SELENOO: variants seen among roughly 807,000 people sequenced by gnomAD.
SELENOO encodes selenoprotein O.
In SELENOO, 74 loss-of-function variants were observed where a neutral mutation model predicts 58.7. That is an observed-to-expected ratio of 1.26 (90% CI 1.04 to 1.53). The LOEUF is 1.53. Among genes scored for constraint, SELENOO ranks in the 40% most tolerant of loss-of-function variants. SELENOO has a pLI of 0.00. For synonymous variants in SELENOO, 543 were observed against 453.2 expected, an observed-to-expected ratio of 1.20 and a Z score of -2.52; for missense variants, 1,149 against 970.0, an observed-to-expected ratio of 1.18 and a Z score of -2.45.
At chr22:50,210,540 C>A in intron 4 of SELENOO, 91 bp from the exon 5 acceptor site, 2 of 1,575,532 alleles carry the variant, frequency 1.3e-6, no homozygotes, top group Non-Finnish European at 1.7e-6. Flanking sequence ...CCACTTGGGA[C>A]CTTCCCCTGG....
chr22:50,210,892 G>A lies in SELENOO; in HGVS notation c.1332G>A (p.Leu444=), dbSNP rs751400461. Residue 444 remains leucine, a synonymous_variant, in exon 5 of 9, where the codon CTG becomes CTA. Coordinates refer to ENST00000380903, the MANE Select transcript of SELENOO (RefSeq NM_031454.2). ...EEDGALVSKL[L]ETMHLTGADF... ...ACGGGGCGCTGGTGTCCAAGCTCCT[G>A]GAGACCATGCATCTGACCGGTGAGT... The A allele has an allele frequency of 5.6e-6, 9 of 1,614,114 alleles. No homozygotes were observed. The highest frequency in any genetic ancestry group is 2.2e-5 in the South Asian group (2 of 91,080).
At position 50,217,614 on chromosome 22, in the gene SELENOO, C is replaced by G. The variant is rs115016508; in HGVS notation, c.*245C>G. Reference sequence around the variant, plus strand: ...CTCCTAAATAAACCAGCAACTCCCTCGAGTCTGTCTCTGTGGTCATTGTTC... The same window carrying G: ...CTCCTAAATAAACCAGCAACTCCCTGGAGTCTGTCTCTGTGGTCATTGTTC... On this transcript the variant is annotated 3_prime_UTR_variant, in exon 9 of 9. Transcript: ENST00000380903. The G allele has an allele frequency of 2.8e-6, 3 of 1,070,396 alleles. No individual in the cohort carries two copies. Among genetic ancestry groups the G allele is most frequent in the East Asian group, 2.6e-5 (1 of 38,192 alleles). The allele number at this position is 1,070,396 out of a possible 1,614,324, so 66.3% of individuals were successfully genotyped here.
In SELENOO at chr22:50,210,793, C is replaced by T. The variant is rs751772744; in HGVS notation, c.1233C>T (p.Asp411=). Residue 411 remains aspartate, a synonymous_variant, in exon 5 of 9, where the codon GAC becomes GAT. Transcript: ENST00000380903. ...LGEAILAEEF[D]AEFQRHYLQK... is the part of the protein sequence containing the mutation. The stretch of plus-strand genomic sequence containing the variant: ...AGGCCATCCTGGCCGAGGAGTTTGA[C>T]GCCGAGTTCCAAAGGCACTACCTGC... 29 of 1,613,820 alleles carry T rather than the reference C, an allele frequency of 1.8e-5. No homozygotes were observed. Among genetic ancestry groups the T allele is most frequent in the Middle Eastern group, 1.6e-4 (1 of 6,084 alleles).
In SELENOO at chr22:50,201,027, G is replaced by A. The variant is rs1048850170; in HGVS notation, c.-10G>A. 3 of 1,256,666 alleles carry A rather than the reference G, an allele frequency of 2.4e-6. No individual in the cohort carries two copies. The highest frequency in any genetic ancestry group is 8.2e-5 in the Admixed American group (2 of 24,264). 77.8% of individuals were successfully genotyped at this position (1,256,666 alleles called of 1,614,324 possible). ...GGGCAGGCTGGCTTCCGGCGGGAGCGGGGCCGCGGATGGCCGTATACAGGG... is the reference window on the plus strand; with the variant it reads ...GGGCAGGCTGGCTTCCGGCGGGAGCAGGGCCGCGGATGGCCGTATACAGGG... On this transcript the variant is annotated 5_prime_UTR_variant, in exon 1 of 9. Transcript: ENST00000380903.
chr22:50,216,648 C>G (rs1438829488), intron 6 of SELENOO, 43 bp from the exon 7 acceptor site: 1 of 1,520,294 alleles, frequency 6.6e-7, no homozygotes, highest in Non-Finnish European at 8.8e-7. Context: ...AGGGCAGGGA[C>G]ACGGTCAGGG....
Position 50,216,638 on chromosome 22 carries a change from A to G in SELENOO, c.1503-53A>G, listed in dbSNP as rs531186350. On this transcript the variant is annotated intron_variant, in intron 6 of 8. Transcript: ENST00000380903. ...TGGGGCAGGCGGAGCAGCTGCCTGCAGGGCAGGGACACGGTCAGGGGCTAC... is the reference window on the plus strand; with the variant it reads ...TGGGGCAGGCGGAGCAGCTGCCTGCGGGGCAGGGACACGGTCAGGGGCTAC... The G allele has an allele frequency of 3.9e-5, 58 of 1,493,168 alleles. No homozygotes were observed. In the African/African-American group the frequency reaches 6.5e-4, roughly 17 times the overall value. 92.5% of individuals were successfully genotyped at this position (1,493,168 alleles called of 1,614,324 possible).
At chr22:50,207,577 C>T (rs2064340812) in intron 2 of SELENOO, among the ~76,000 whole-genome samples, 1 of 150,890 alleles carries the variant, frequency 6.6e-6, no homozygotes. Flanking sequence ...CTGGCTTTTC[C>T]TGTCCTGCAG....
At chr22:50,211,417 T>C (rs1054065914) in intron 5 of SELENOO, among the ~76,000 whole-genome samples, 2 of 152,176 alleles carry the variant, frequency 1.3e-5, no homozygotes, top group Admixed American at 6.5e-5. Context: ...TTGCACTAGC[T>C]AGGACGTGTA....
Position 50,212,723 on chromosome 22 carries a change from C to G in SELENOO, c.1351+1812C>G, listed in dbSNP as rs200139754. On this transcript the variant is annotated intron_variant, in intron 5 of 8. Transcript: ENST00000380903. ...CACAGCGTGTGCCTGTTTCTTCAGT[C>G]TGTTGTCTCCCTCTAATCTTCGTGT... is the stretch of plus-strand genomic sequence containing the variant. Among the ~76,000 whole-genome samples the G allele has an allele frequency of 5.3e-5, 8 of 152,106 alleles. No homozygotes were observed. In the East Asian group the frequency reaches 9.8e-4, roughly 19 times the overall value.
rs201495455 is a variant in SELENOO, at chr22:50,215,142, CA to C, written c.1352-574del. ...GGTTTCAGACAGTGTTTTCCAGAGT[CA>C]GGGGGAGGATCGCAGTGTCTGTCAC... On this transcript the variant is annotated intron_variant, in intron 5 of 8. Coordinates refer to ENST00000380903, the MANE Select transcript of SELENOO (RefSeq NM_031454.2). 4.5e-3 allele frequency among the ~76,000 whole-genome samples: 678 copies of C among 152,286 alleles called. 7 individuals are homozygous for C. Among genetic ancestry groups the C allele is most frequent in the South Asian group, 0.025 (122 of 4,820 alleles).
At position 50,206,399 on chromosome 22, in the gene SELENOO, A is replaced by G; in HGVS notation, c.637A>G (p.Thr213Ala). 6 of 1,614,094 alleles carry G rather than the reference A, an allele frequency of 3.7e-6. No individual in the cohort carries two copies. The highest frequency in any genetic ancestry group is 5.1e-6 in the Non-Finnish European group (6 of 1,180,022). Residue 213 changes from threonine to alanine, a missense_variant, in exon 2 of 9, where the codon ACC becomes GCC. Coordinates refer to ENST00000380903, the MANE Select transcript of SELENOO (RefSeq NM_031454.2). ...AGCCATGTTCCACCTGGGAGTCCCC[A>G]CCACACGGGCCGGCGCCTGCGTCAC... ...SEAMFHLGVP[T>A]TRAGACVTSE...
chr22:50,205,335 A>G (rs2064326341), intron 1 of SELENOO, among the ~76,000 whole-genome samples: 1 of 152,252 alleles, frequency 6.6e-6, no homozygotes, highest in Non-Finnish European at 1.5e-5. Context: ...CTGTAATCCT[A>G]GCACTTTTGG....
Position 50,201,213 on chromosome 22 carries a change from C to G in SELENOO, c.177C>G (p.Pro59=), listed in dbSNP as rs1025964474. ...ACAACCGCGCCCTGCGCGCCCTGCCCGTGGAGGCGCCGCCGCCCGGTCCCG... is the reference window on the plus strand; with the variant it reads ...ACAACCGCGCCCTGCGCGCCCTGCCGGTGGAGGCGCCGCCGCCCGGTCCCG... ...RFDNRALRAL[P]VEAPPPGPEG... is the part of the protein sequence containing the mutation. Residue 59 remains proline (P), a synonymous_variant, in exon 1 of 9, where the codon CCC becomes CCG. Transcript: ENST00000380903. The G allele has an allele frequency of 1.7e-5, 20 of 1,177,138 alleles. No homozygotes were observed. The highest frequency in any genetic ancestry group is 2.1e-5 in the Non-Finnish European group (20 of 954,072). 72.9% of individuals were successfully genotyped at this position (1,177,138 alleles called of 1,614,324 possible).
At chr22:50,212,253 C>T (rs560921045) in intron 5 of SELENOO, among the ~76,000 whole-genome samples, 3 of 152,266 alleles carry the variant, frequency 2.0e-5, no homozygotes, top group Admixed American at 6.5e-5. Context: ...CCAGTGAAGC[C>T]ATCTGGTCCT....
chr22:50,204,195 G>A (rs564406854), intron 1 of SELENOO, among the ~76,000 whole-genome samples: 71 of 152,304 alleles, frequency 4.7e-4, no homozygotes, highest in Admixed American at 1.4e-3. Context: ...TGACCTGGGC[G>A]TGGTGGTGGG....
rs1453835926 is a variant in SELENOO, at chr22:50,210,877, G to C, written c.1317G>C (p.Leu439=). The C allele has an allele frequency of 2.5e-6, 4 of 1,614,116 alleles. No individual in the cohort carries two copies. In the South Asian group the frequency reaches 4.4e-5, roughly 18 times the overall value. The change falls in exon 5 of 9, where the codon CTG becomes CTC. Residue 439 remains leucine, a synonymous_variant. Transcript: ENST00000380903. ...TGGAGCTGGAGGAAGACGGGGCGCT[G>C]GTGTCCAAGCTCCTGGAGACCATGC... ...VQVELEEDGA[L]VSKLLETMHL...
intron 5 of SELENOO, 69 bp downstream of exon 5, chr22:50,210,980 C>T: frequency 1.3e-6 from 2 of 1,566,844 alleles, no homozygotes; most frequent in Non-Finnish European, 1.7e-6. Flanking sequence ...GGTTTACCTT[C>T]TGGCTTCCAG....
intron 5 of SELENOO, among the ~76,000 whole-genome samples, chr22:50,214,898 GACA>G (rs746024371): frequency 7.9e-5 from 12 of 152,352 alleles, no homozygotes; most frequent in Admixed American, 4.6e-4. Flanking sequence ...ATCGTGTGGT[GACA>G]ACATGGAAAT....
At chr22:50,216,628 A>G in intron 6 of SELENOO, 63 bp from the exon 7 acceptor site, 1 of 1,434,990 alleles carries the variant, frequency 7.0e-7, no homozygotes, top group African/African-American at 1.4e-5. Context: ...CAGGCGGAGC[A>G]GCTGCCTGCA....
Sources: allele counts gnomAD v4.1 joint callset (sites outside exome capture counted in the v4.1 genomes callset), GRCh38; gene constraint gnomAD v4.1.1; transcripts MANE v1.5; gene names NCBI Gene and HGNC (gene_info 2026-07-23, HGNC 2026-07-21).